DIP2C: variants seen among roughly 807,000 people sequenced by gnomAD.
DIP2C encodes the protein disco-interacting protein 2 homolog C.
A neutral mutation model predicts 192.4 loss-of-function variants in DIP2C; 33 were observed. That is an observed-to-expected ratio of 0.17 (90% CI 0.13 to 0.23). The LOEUF is 0.23. DIP2C is among the 10% of genes least tolerant of loss of function. The probability of loss-of-function intolerance (pLI) is 1.00; values close to 1 mark genes in which losing one functional copy is unlikely to be tolerated. For synonymous variants in DIP2C, 979 were observed against 864.1 expected, an observed-to-expected ratio of 1.13 and a Z score of -2.33; for missense variants, 1,537 against 2,110.1, an observed-to-expected ratio of 0.73 and a Z score of 5.32.
chr10:644,926 G>A (rs1443436032), intron 1 of DIP2C, among the ~76,000 whole-genome samples: 3 of 152,330 alleles, frequency 2.0e-5, no homozygotes, highest in South Asian at 2.1e-4. Flanking sequence ...AAAAATAACC[G>A]AATTACAGTG....
chr10:507,931 C>G (rs546465684), intron 1 of DIP2C, among the ~76,000 whole-genome samples: 18 of 152,314 alleles, frequency 1.2e-4, no homozygotes, highest in Non-Finnish European at 4.4e-5. Flanking sequence ...TTTCCACAAT[C>G]TTTTTCTGAA....
intron 31 of DIP2C, among the ~76,000 whole-genome samples, chr10:321,313 A>G (rs1354554944): frequency 6.6e-6 from 1 of 152,136 alleles, no homozygotes; most frequent in Non-Finnish European, 1.5e-5. Flanking sequence ...CAGTCATAAC[A>G]CTCATGAACT....
chr10:364,478 G>A lies in DIP2C; in HGVS notation c.2373C>T (p.Gly791=), dbSNP rs756737614. The A allele has an allele frequency of 1.3e-4, 207 of 1,614,026 alleles. No individual in the cohort carries two copies. Among genetic ancestry groups the A allele is most frequent in the Non-Finnish European group, 1.7e-4 (196 of 1,180,038 alleles). The change falls in exon 20 of 37, where the codon GGC becomes GGT. Residue 791 remains glycine, a synonymous_variant. Transcript: ENST00000280886. ...TGACCACCATGAGGCCATCCATCTT[G>A]CCCACCACGAAGACGAGGCCTCCGG... The part of the protein sequence containing the change: ...VGPGGLVFVV[G]KMDGLMVVSG...
rs1210782564 is a variant in DIP2C at position 363,091 on chromosome 10, G to A, written c.2592+106C>T. ...ATCAAATGAAGGGAAGGGAAAAAGGGCCACCCCATGGGCAAAGCAACAGCT... is the reference window on the plus strand; with the variant it reads ...ATCAAATGAAGGGAAGGGAAAAAGGACCACCCCATGGGCAAAGCAACAGCT... On this transcript the variant is annotated intron_variant, in intron 21 of 36. Transcript: ENST00000280886. This position sits in a 1 kb window ranked among gnomAD's most constrained non-coding sequence, Gnocchi z 5.4. The A allele has an allele frequency of 1.1e-5, 11 of 961,454 alleles. No homozygotes were observed. The Admixed American group carries it at 2.3e-4, about 20-fold the overall frequency. 59.6% of individuals were successfully genotyped at this position (961,454 alleles called of 1,614,324 possible).
Position 281,268 on chromosome 10 carries a change from C to T in DIP2C, c.4350G>A (p.Arg1450=), listed in dbSNP as rs1332108387. The change falls in exon 36 of 37, where the codon CGG becomes CGA. Residue 1450 remains arginine, a synonymous_variant. Transcript: ENST00000280886. ...TGTCGATTGGGTGGTACCGCATGCC[C>T]CGCAGCTCCATGGCTTCGTCCAGTG... ...VGALDEAMEL[R]GMRYHPIDIE... is the part of the protein sequence containing the mutation. 3 of 1,614,098 alleles carry T rather than the reference C, an allele frequency of 1.9e-6. No homozygotes were observed. Among genetic ancestry groups the T allele is most frequent in the Non-Finnish European group, 2.5e-6 (3 of 1,180,048 alleles).
Position 414,739 on chromosome 10 carries a change from G to GTGTGTATATATATATATA in DIP2C, c.860-630_860-629insTATATATATATATACACA. On this transcript the variant is annotated intron_variant, in intron 7 of 36. Transcript: ENST00000280886. ...TGTGTGTGTGTGTGTGTGTGTGTGT[G>GTGTGTATATATATATATA]TACATATATATATATATAATGTGTA... Among the ~76,000 whole-genome samples, 223 of 90,516 alleles carry GTGTGTATATATATATATA rather than the reference G, an allele frequency of 2.5e-3. 8 individuals carry two copies. Among genetic ancestry groups the GTGTGTATATATATATATA allele is most frequent in the South Asian group, 9.6e-3 (24 of 2,506 alleles). The allele number at this position is 90,516 out of a possible 152,430, so 59.4% of individuals were successfully genotyped here. A position where few individuals can be genotyped will look rare whatever the true frequency, so the allele number is the denominator to read the frequency against.
At chr10:545,517 TAA>T (rs1848238476) in intron 1 of DIP2C, among the ~76,000 whole-genome samples, 2 of 152,106 alleles carry the variant, frequency 1.3e-5, no homozygotes, top group Admixed American at 6.6e-5. Context: ...TGCACACACA[TAA>T]GAGAAACCCA....
intron 1 of DIP2C, among the ~76,000 whole-genome samples, chr10:580,284 A>G (rs1474303916): frequency 6.6e-6 from 1 of 152,202 alleles, no homozygotes; most frequent in Admixed American, 6.5e-5. Flanking sequence ...GTGTATGTAC[A>G]TATGCAGCAT....
chr10:280,902 A>G (rs1056328953), intron 36 of DIP2C, among the ~76,000 whole-genome samples: 1 of 152,094 alleles, frequency 6.6e-6, no homozygotes, highest in Non-Finnish European at 1.5e-5. Flanking sequence ...TTTTCTTCCT[A>G]TATCATGATT....
intron 3 of DIP2C, 88 bp downstream of exon 3, chr10:472,351 A>G (rs529325482): frequency 7.9e-7 from 1 of 1,259,312 alleles, no homozygotes; most frequent in South Asian, 1.3e-5. Flanking sequence ...CGCCCACTGC[A>G]CTTCTGCCTC....
intron 4 of DIP2C, among the ~76,000 whole-genome samples, chr10:436,756 G>C (rs755060687): frequency 1.6e-5 from 2 of 128,810 alleles, no homozygotes; most frequent in Non-Finnish European, 3.1e-5. Flanking sequence ...GGACATGGTA[G>C]GGTGATATGC....
intron 19 of DIP2C, among the ~76,000 whole-genome samples, chr10:365,521 A>G (rs974000883): frequency 2.0e-5 from 3 of 152,250 alleles, no homozygotes; most frequent in African/African-American, 7.2e-5. Flanking sequence ...TGAGTGACAG[A>G]GCAAGACCCT....
intron 10 of DIP2C, among the ~76,000 whole-genome samples, chr10:395,495 AGG>A (rs949001055): frequency 2.6e-5 from 4 of 152,242 alleles, no homozygotes; most frequent in African/African-American, 9.6e-5. Context: ...GCTCGGCCTC[AGG>A]GGAGGGTCTC....
intron 32 of DIP2C, among the ~76,000 whole-genome samples, chr10:290,895 A>G (rs1002257224): frequency 6.6e-6 from 1 of 152,224 alleles, no homozygotes; most frequent in Admixed American, 6.5e-5. Context: ...CCGGAATCAG[A>G]TGCACCTGGC....
chr10:547,297 G>A (rs1588436514), intron 1 of DIP2C, among the ~76,000 whole-genome samples: 1 of 152,162 alleles, frequency 6.6e-6, no homozygotes, highest in Non-Finnish European at 1.5e-5. Flanking sequence ...ACAGGGAGAA[G>A]CATGCACCCA....
At chr10:617,003 G>A (rs1311197859) in intron 1 of DIP2C, among the ~76,000 whole-genome samples, 1 of 152,144 alleles carries the variant, frequency 6.6e-6, no homozygotes, top group South Asian at 2.1e-4. Flanking sequence ...AAGCCAGGGA[G>A]GGACTGAGAT....
rs113875451 is a variant in DIP2C at position 417,022 on chromosome 10, T to C, written c.740-1134A>G. 7.9e-3 allele frequency among the ~76,000 whole-genome samples: 1,204 copies of C among 152,340 alleles called. 14 individuals are homozygous for C. Among genetic ancestry groups the C allele is most frequent in the African/African-American group, 0.027 (1,141 of 41,568 alleles). On this transcript the variant is annotated intron_variant, in intron 6 of 36. Transcript: ENST00000280886. ...GTAGTCTCAAAATGCTCTATAGCAC[T>C]TTAAGAATTGAGACATTAAATATTT...
At chr10:327,219 G>A (rs760860990) in intron 30 of DIP2C, 43 bp from the exon 31 acceptor site, 17 of 1,586,508 alleles carry the variant, frequency 1.1e-5, no homozygotes, top group Middle Eastern at 1.7e-4. Context: ...CCCACGTGTC[G>A]AGCTTGGAGT....
intron 2 of DIP2C, among the ~76,000 whole-genome samples, chr10:482,557 G>C (rs1377953634): frequency 1.3e-5 from 2 of 152,200 alleles, no homozygotes; most frequent in Non-Finnish European, 2.9e-5. Context: ...TGAAGGAAAA[G>C]CAAGCTGGGC....
Sources: allele counts gnomAD v4.1 joint callset (sites outside exome capture counted in the v4.1 genomes callset), GRCh38; gene constraint gnomAD v4.1.1; non-coding constraint Gnocchi (gnomAD v3.1); transcripts MANE v1.5; gene names NCBI Gene and HGNC (gene_info 2026-07-23, HGNC 2026-07-21).